CSMD1: variants seen among roughly 807,000 people sequenced by gnomAD.
CSMD1 encodes CUB and sushi domain-containing protein 1.
Under a neutral mutation model 417.5 loss-of-function variants are expected in CSMD1, and 213 were observed. The ratio of observed to expected loss-of-function variants is 0.51; its 90% CI spans 0.46 to 0.57. The LOEUF (loss-of-function observed/expected upper bound fraction) is 0.57, where lower values mean the gene tolerates loss of function less well. Ranked by LOEUF, CSMD1 falls within the 20% of genes least tolerant of loss-of-function variation. The pLI is 0.00. For synonymous variants in CSMD1, 2,862 were observed against 1,736.8 expected (o/e 1.65, Z -16.11); for missense variants, 6,923 against 4,529.7 (o/e 1.53, Z -15.17).
At chr8:3,977,071 A>G (rs1813490771) in intron 5 of CSMD1, among the ~76,000 whole-genome samples, 1 of 152,064 alleles carries the variant, frequency 6.6e-6, no homozygotes, top group African/African-American at 2.4e-5. Flanking sequence ...TTCTTTTTCC[A>G]TTTAGATTTT....
intron 1 of CSMD1, among the ~76,000 whole-genome samples, chr8:4,694,352 T>A (rs1806974540): frequency 6.6e-6 from 1 of 152,062 alleles, no homozygotes; most frequent in African/African-American, 2.4e-5. Flanking sequence ...TTCTTTTTTT[T>A]ATTTTTTTTA....
At chr8:3,559,847 C>G (rs900331048) in intron 10 of CSMD1, among the ~76,000 whole-genome samples, 5 of 152,076 alleles carry the variant, frequency 3.3e-5, no homozygotes, top group African/African-American at 9.7e-5. Flanking sequence ...GGCAAGACTA[C>G]TAAGAGGCCC....
At chr8:4,655,508 T>C (rs1375778043) in intron 1 of CSMD1, among the ~76,000 whole-genome samples, 1 of 152,196 alleles carries the variant, frequency 6.6e-6, no homozygotes, top group Non-Finnish European at 1.5e-5. Flanking sequence ...GATCAGAATT[T>C]AAGAGGATCT....
At chr8:4,847,157 T>G (rs777485800) in intron 1 of CSMD1, among the ~76,000 whole-genome samples, 2 of 152,200 alleles carry the variant, frequency 1.3e-5, no homozygotes, top group Admixed American at 1.3e-4. Context: ...AATGCCACTC[T>G]CTCGTAAGTC....
chr8:4,050,507 A>G (rs73658549), intron 3 of CSMD1, among the ~76,000 whole-genome samples: 5,788 of 152,214 alleles, frequency 0.038, 344 homozygotes, highest in African/African-American at 0.12. Context: ...AAATGGGGGT[A>G]TGTATCATCC....
chr8:3,155,721 T>G (rs1431399205), intron 39 of CSMD1, among the ~76,000 whole-genome samples: 1 of 152,152 alleles, frequency 6.6e-6, no homozygotes, highest in African/African-American at 2.4e-5. Context: ...AGCTGACATG[T>G]TAATCTAGAC....
intron 18 of CSMD1, among the ~76,000 whole-genome samples, chr8:3,371,853 A>T (rs2116718460): frequency 6.6e-6 from 1 of 152,348 alleles, no homozygotes; most frequent in South Asian, 2.1e-4. Context: ...TGAAGATTGC[A>T]GTGACTCCAC....
At chr8:3,206,624 G>C (rs978130144) in intron 30 of CSMD1, among the ~76,000 whole-genome samples, 1 of 131,520 alleles carries the variant, frequency 7.6e-6, no homozygotes, top group Non-Finnish European at 1.7e-5. Flanking sequence ...ATGTGTGTGT[G>C]GGGTTATGTC....
intron 6 of CSMD1, among the ~76,000 whole-genome samples, chr8:3,741,229 A>AAAAAAAAAAC (rs1796787238): frequency 1.3e-5 from 2 of 150,938 alleles, no homozygotes; most frequent in African/African-American, 4.9e-5. Flanking sequence ...AAAAAAAAAA[A>AAAAAAAAAAC]AAAAAAAAAA....
intron 1 of CSMD1, among the ~76,000 whole-genome samples, chr8:4,939,276 A>C (rs1406744242): frequency 6.6e-6 from 1 of 152,350 alleles, no homozygotes; most frequent in East Asian, 1.9e-4. Context: ...TAGAACAACC[A>C]TATGATGCAG....
intron 1 of CSMD1, among the ~76,000 whole-genome samples, chr8:4,699,418 T>A (rs1807366815): frequency 6.6e-6 from 1 of 152,166 alleles, no homozygotes; most frequent in Admixed American, 6.6e-5. Context: ...TTTTAATGCC[T>A]GTTCTATTGT....
At chr8:4,190,477 C>G (rs74482965) in intron 3 of CSMD1, among the ~76,000 whole-genome samples, 1 of 150,984 alleles carries the variant, frequency 6.6e-6, no homozygotes, top group African/African-American at 2.4e-5. Flanking sequence ...TAGAGTATTT[C>G]GTAAGTTAAC....
At chr8:4,858,410 G>T (rs958785294) in intron 1 of CSMD1, among the ~76,000 whole-genome samples, 2 of 150,346 alleles carry the variant, frequency 1.3e-5, no homozygotes, top group African/African-American at 5.0e-5. Context: ...GGAAGTTCTG[G>T]CCAGGGCAAT....
At chr8:4,864,877 CACACACACACACACACACAA>C (rs1172400919) in intron 1 of CSMD1, among the ~76,000 whole-genome samples, 3 of 147,528 alleles carry the variant, frequency 2.0e-5, no homozygotes, top group African/African-American at 7.7e-5. Flanking sequence ...GATTCTACTA[CACACACACACACACACACAA>C]ACACACACAC....
intron 3 of CSMD1, among the ~76,000 whole-genome samples, chr8:4,348,036 A>G (rs1265230692): frequency 6.6e-6 from 1 of 152,178 alleles, no homozygotes; most frequent in Non-Finnish European, 1.5e-5. Context: ...AAAAAAACAG[A>G]TTAGTTACAA....
At chr8:4,934,385 G>A (rs1363442741) in intron 1 of CSMD1, among the ~76,000 whole-genome samples, 2 of 152,130 alleles carry the variant, frequency 1.3e-5, no homozygotes, top group Admixed American at 6.5e-5. Context: ...GTTTTATGAA[G>A]CCATCAAGAA....
intron 1 of CSMD1, among the ~76,000 whole-genome samples, chr8:4,848,653 G>A (rs1240028813): frequency 1.3e-5 from 2 of 151,744 alleles, no homozygotes; most frequent in Admixed American, 6.6e-5. Context: ...AATTATCCTG[G>A]CTCTGCCTCT....
At chr8:3,960,367 T>C (rs565252934) in intron 5 of CSMD1, among the ~76,000 whole-genome samples, 1 of 152,260 alleles carries the variant, frequency 6.6e-6, no homozygotes, top group African/African-American at 2.4e-5. Context: ...ATCACGCTAC[T>C]ACTTAAAAGC....
At chr8:4,892,559 C>A (rs947097163) in intron 1 of CSMD1, among the ~76,000 whole-genome samples, 2 of 151,944 alleles carry the variant, frequency 1.3e-5, no homozygotes, top group Non-Finnish European at 2.9e-5. Flanking sequence ...TTAGGTATTG[C>A]CTAATTATAT....
Sources: allele counts gnomAD v4.1 joint callset (sites outside exome capture counted in the v4.1 genomes callset), GRCh38; gene constraint gnomAD v4.1.1; transcripts MANE v1.5; gene names NCBI Gene and HGNC (gene_info 2026-07-23, HGNC 2026-07-21).